Variants in ALDH1L1 observed in about 807,000 individuals in gnomAD.
ALDH1L1 encodes the protein aldehyde dehydrogenase 1 family member L1.
ALDH1L1 carries 68 observed loss-of-function variants against 101.1 expected under a neutral mutation model. The observed-to-expected ratio is 0.67, with a 90% CI of 0.55 to 0.82. The LOEUF (loss-of-function observed/expected upper bound fraction) is 0.82. ALDH1L1 is among the 40% of genes least tolerant of loss of function. The pLI, the probability that ALDH1L1 is intolerant of heterozygous loss-of-function variation, is 0.00. For synonymous variants in ALDH1L1, 486 were observed against 470.8 expected, an observed-to-expected ratio of 1.03 and a Z score of -0.42; for missense variants, 1,087 against 1,172.7, an observed-to-expected ratio of 0.93 and a Z score of 1.07.
At chr3:126,154,377 C>A (rs1036433116) in intron 6 of ALDH1L1, among the ~76,000 whole-genome samples, 177 bp downstream of exon 6, 4 of 152,320 alleles carry the variant, frequency 2.6e-5, no homozygotes, top group Non-Finnish European at 5.9e-5. Context: ...CTACTGCAGG[C>A]TGGGTAGGTC....
At chr3:126,135,290 A>T in intron 12 of ALDH1L1, 1 of 387,806 alleles carries the variant, frequency 2.6e-6, no homozygotes, top group Non-Finnish European at 4.5e-6. Flanking sequence ...CACCTCCACC[A>T]GGCACCTCCC....
In ALDH1L1 at chr3:126,137,015, C is replaced by A. The variant is rs561410945; in HGVS notation, c.1225-132G>T. 2.7e-5 allele frequency: 36 copies of A among 1,326,182 alleles called. No homozygotes were observed. The African/African-American group carries it at 5.0e-4, about 18-fold the overall frequency. 82.2% of individuals were successfully genotyped at this position (1,326,182 alleles called of 1,614,324 possible). A position where few individuals can be genotyped will look rare whatever the true frequency, so the allele number is the denominator to read the frequency against. On this transcript the variant is annotated intron_variant, in intron 10 of 22. Transcript: ENST00000393434. ...CTTCAGAGCTGCATGTAGGCAACAGCTGAGCAGGGGAGAGACAAAGGACAG... is the reference window on the plus strand; with the variant it reads ...CTTCAGAGCTGCATGTAGGCAACAGATGAGCAGGGGAGAGACAAAGGACAG...
chr3:126,161,106 C>T (rs1040181425), intron 1 of ALDH1L1, 104 bp from the exon 2 acceptor site: 36 of 1,358,690 alleles, frequency 2.6e-5, no homozygotes, highest in Non-Finnish European at 3.5e-5. Flanking sequence ...TGCTCTACCC[C>T]AGTCCCCTCT....
At chr3:126,107,324 G>T in intron 20 of ALDH1L1, 78 bp from the exon 21 acceptor site, 1 of 1,199,806 alleles carries the variant, frequency 8.3e-7, no homozygotes, top group Non-Finnish European at 1.2e-6. Flanking sequence ...GCAGGGCCTG[G>T]GCCACACCAG....
chr3:126,114,053 C>G (rs1946162449), intron 18 of ALDH1L1, among the ~76,000 whole-genome samples: 2 of 152,230 alleles, frequency 1.3e-5, no homozygotes, highest in Admixed American at 6.5e-5. Context: ...TCACTGTCAG[C>G]AGGGCTGGGC....
chr3:126,131,422 T>C lies in ALDH1L1; in HGVS notation c.1585A>G (p.Thr529Ala). The change falls in exon 13 of 23, where the codon ACC becomes GCC. Residue 529 changes from threonine to alanine, a missense_variant. Physicochemically the swap from Thr to Ala is moderately conservative, Grantham distance 58 (BLOSUM62 0). This residue lies in a region of ALDH1L1 where 442 missense variants were observed against 535.7 expected (regional missense o/e 0.83). Transcript: ENST00000393434. ...LKTHVGMSIQ[T>A]FRYFAGWCDK... ...CACCAGCCAGCAAAGTAGCGGAAGG[T>C]CTGGATGGACATGCCCACGTGGGTC... 6.2e-7 allele frequency: 1 copy of C among 1,612,174 alleles called. No individual in the cohort carries two copies. Among genetic ancestry groups the C allele is most frequent in the Non-Finnish European group, 8.5e-7 (1 of 1,178,510 alleles).
chr3:126,119,153 C>G (rs2080031624), intron 16 of ALDH1L1, among the ~76,000 whole-genome samples: 1 of 152,186 alleles, frequency 6.6e-6, no homozygotes, highest in Non-Finnish European at 1.5e-5. Flanking sequence ...CCTCTTCTCT[C>G]CTCAGCTTAC....
At chr3:126,164,546 C>T (rs2081126363) in intron 1 of ALDH1L1, among the ~76,000 whole-genome samples, 1 of 152,334 alleles carries the variant, frequency 6.6e-6, no homozygotes, top group East Asian at 1.9e-4. Flanking sequence ...CTGCAAAAGA[C>T]ATGCTTTCAC....
chr3:126,183,365 G>A (rs988103334), upstream of ALDH1L1, among the ~76,000 whole-genome samples: 2 of 152,170 alleles, frequency 1.3e-5, no homozygotes, highest in Admixed American at 1.3e-4. Flanking sequence ...GACTGAAAGG[G>A]TCAGAGACAA....
chr3:126,143,151 A>G (rs987387511), intron 9 of ALDH1L1, among the ~76,000 whole-genome samples: 4 of 152,244 alleles, frequency 2.6e-5, no homozygotes, highest in African/African-American at 9.6e-5. Context: ...TGAACACTGT[A>G]CTGAATGTGA....
intron 9 of ALDH1L1, among the ~76,000 whole-genome samples, chr3:126,138,755 T>C (rs1371198372): frequency 3.3e-5 from 5 of 152,240 alleles, no homozygotes; most frequent in Admixed American, 3.3e-4. Context: ...ACATACTTCC[T>C]ATTTCACTCT....
At chr3:126,153,339 T>C in intron 7 of ALDH1L1, 105 bp downstream of exon 7, 1 of 1,572,556 alleles carries the variant, frequency 6.4e-7, no homozygotes, top group Non-Finnish European at 8.6e-7. Flanking sequence ...TCTGGTTTTT[T>C]CCATTTTCTC....
chr3:126,153,686 G>A, intron 6 of ALDH1L1, 105 bp from the exon 7 acceptor site: 1 of 1,416,504 alleles, frequency 7.1e-7, no homozygotes, highest in Non-Finnish European at 9.4e-7. Flanking sequence ...GGGGCCAGGG[G>A]TAGCTGAGAC....
At chr3:126,180,635 G>T, upstream of ALDH1L1, 1 of 1,301,912 alleles carries the variant, frequency 7.7e-7, no homozygotes, top group Non-Finnish European at 9.8e-7. Context: ...GTGAGGGGAG[G>T]GGCGCGGGGC....
chr3:126,186,126 A>G (rs1372808036), upstream of ALDH1L1, among the ~76,000 whole-genome samples: 2 of 152,228 alleles, frequency 1.3e-5, no homozygotes, highest in Non-Finnish European at 2.9e-5. Context: ...CGACAGTGTG[A>G]ATGCTCTTAA....
At chr3:126,117,534 T>C (rs978418550) in intron 17 of ALDH1L1, among the ~76,000 whole-genome samples, 2 of 151,674 alleles carry the variant, frequency 1.3e-5, no homozygotes, top group Non-Finnish European at 2.9e-5. Context: ...TGCATGCCTG[T>C]AGTCCCAGCT....
intron 9 of ALDH1L1, among the ~76,000 whole-genome samples, chr3:126,146,339 C>G (rs1334390163): frequency 6.6e-6 from 1 of 152,158 alleles, no homozygotes; most frequent in African/African-American, 2.4e-5. Flanking sequence ...GACCAGCCAG[C>G]CCCCAGCTGA....
intron 1 of ALDH1L1, among the ~76,000 whole-genome samples, chr3:126,176,170 G>A (rs1477161430): frequency 1.3e-5 from 2 of 152,136 alleles, no homozygotes; most frequent in African/African-American, 4.8e-5. Flanking sequence ...CATAACTGAT[G>A]AAAACATAAA....
intron 13 of ALDH1L1, 140 bp downstream of exon 13, chr3:126,131,244 T>C: frequency 8.8e-7 from 1 of 1,131,410 alleles, no homozygotes; most frequent in South Asian, 2.0e-5. Context: ...GACCACAAGC[T>C]AATAAACAGG....
Sources: allele counts gnomAD v4.1 joint callset (sites outside exome capture counted in the v4.1 genomes callset), GRCh38; gene constraint gnomAD v4.1.1; regional missense constraint gnomAD v4.1.1; transcripts MANE v1.5; gene names NCBI Gene and HGNC (gene_info 2026-07-23, HGNC 2026-07-21).